ADGRE1: variants seen among roughly 807,000 people sequenced by gnomAD.
ADGRE1 encodes adhesion G protein-coupled receptor E1.
In ADGRE1, 82 loss-of-function variants were observed where a neutral mutation model predicts 102.7. That is an observed-to-expected ratio of 0.80 (90% CI 0.67 to 0.96). ADGRE1 has a LOEUF of 0.96. ADGRE1 is among the 40% of genes least tolerant of loss of function. The pLI is 0.00. For synonymous variants in ADGRE1, 398 were observed against 399.6 expected (o/e 1.00, Z 0.05); for missense variants, 1,032 against 1,085.3 (o/e 0.95, Z 0.69).
At chr19:6,931,163 C>T (rs996396635) in intron 17 of ADGRE1, among the ~76,000 whole-genome samples, 2 of 152,010 alleles carry the variant, frequency 1.3e-5, no homozygotes, top group African/African-American at 4.8e-5. Flanking sequence ...GTTTAGCTCC[C>T]ACAAAGAACT....
chr19:6,917,410 G>T (rs1974433042), intron 12 of ADGRE1, among the ~76,000 whole-genome samples: 2 of 152,118 alleles, frequency 1.3e-5, no homozygotes, highest in African/African-American at 4.8e-5. Context: ...AGTAGAGTGG[G>T]CTGGAGCATC....
In ADGRE1 at chr19:6,908,710, A is replaced by G. The variant is rs1974062992; in HGVS notation, c.1060A>G (p.Asn354Asp). The G allele has an allele frequency of 3.1e-6, 5 of 1,604,688 alleles. No homozygotes were observed. Among genetic ancestry groups the G allele is most frequent in the Non-Finnish European group, 4.2e-6 (5 of 1,177,548 alleles). The part of the protein sequence containing the change: ...PAYVSFCAQI[N>D]NIFSVLDKVC... ...GCAGGTCTCCTTTTGTGCACAAATAAATAACATCTTCAGCGTTCTGGACAA... is the reference window on the plus strand; with the variant it reads ...GCAGGTCTCCTTTTGTGCACAAATAGATAACATCTTCAGCGTTCTGGACAA... Residue 354 changes from asparagine (N) to aspartate (D), a missense_variant, in exon 10 of 21, where the codon AAT becomes GAT. Asn to Asp is a conservative substitution (Grantham distance 23, BLOSUM62 1). Transcript: ENST00000312053.
At chr19:6,901,765 C>T in intron 5 of ADGRE1, 110 bp from the exon 6 acceptor site, 1 of 1,087,390 alleles carries the variant, frequency 9.2e-7, no homozygotes, top group Non-Finnish European at 1.4e-6. Context: ...TATTGGGGAG[C>T]ATCAGCCCTG....
Position 6,937,368 on chromosome 19 carries a change from A to G in ADGRE1, c.2507A>G (p.Gln836Arg), listed in dbSNP as rs1346872365. 6.2e-7 allele frequency: 1 copy of G among 1,613,972 alleles called. No individual in the cohort carries two copies. The highest frequency in any genetic ancestry group is 1.1e-5 in the South Asian group (1 of 91,074). The change falls in exon 19 of 21, where the codon CAG becomes CGG. Residue 836 changes from glutamine to arginine, a missense_variant. Physicochemically the swap from Gln to Arg is conservative, Grantham distance 43. Coordinates refer to ENST00000312053, the MANE Select transcript of ADGRE1 (RefSeq NM_001974.5). ...CTGTTCACCATCATCAACAGCCTGC[A>G]GGGGGCCTTCATCTTCCTCATCCAC... ...AYLFTIINSL[Q>R]GAFIFLIHCL...
chr19:6,894,244 G>A (rs761913296), intron 2 of ADGRE1, among the ~76,000 whole-genome samples: 85 of 152,164 alleles, frequency 5.6e-4, no homozygotes, highest in Non-Finnish European at 1.1e-3. Flanking sequence ...CCTGCCACAA[G>A]GATGACAGCA....
At chr19:6,908,797 T>G (rs368534916) in intron 10 of ADGRE1, 25 bp downstream of exon 10, 25 of 1,589,254 alleles carry the variant, frequency 1.6e-5, no homozygotes, top group Non-Finnish European at 2.0e-5. Flanking sequence ...TTTTAAATTG[T>G]GTTTTGAGTT....
At chr19:6,923,078 AAAAG>A (rs10527997) in intron 14 of ADGRE1, among the ~76,000 whole-genome samples, 3 of 151,860 alleles carry the variant, frequency 2.0e-5, no homozygotes, top group East Asian at 1.9e-4. Flanking sequence ...CTCCGTCTCA[AAAAG>A]AAAGAAAGTA....
chr19:6,901,920 C>T lies in ADGRE1; in HGVS notation c.560C>T (p.Thr187Ile). 5 of 1,614,202 alleles carry T rather than the reference C, an allele frequency of 3.1e-6. No individual in the cohort carries two copies. The highest frequency in any genetic ancestry group is 2.2e-5 in the East Asian group (1 of 44,890). Reference sequence around the variant, plus strand: ...CCAAGAGCTTGCCCAGAGCATGCAACTTGTAATAACACTGTTGGAAACTAC... The same window carrying T: ...CCAAGAGCTTGCCCAGAGCATGCAATTTGTAATAACACTGTTGGAAACTAC... ...ADPRACPEHA[T>I]CNNTVGNYSC... The change falls in exon 6 of 21, where the codon ACT becomes ATT. Residue 187 changes from threonine (T) to isoleucine (I), a missense_variant. By Grantham distance (89) the Thr-to-Ile change is moderately conservative. Transcript: ENST00000312053.
At chr19:6,897,941 CCT>C (rs1973627399) in intron 5 of ADGRE1, 1 of 181,522 alleles carries the variant, frequency 5.5e-6, no homozygotes. Context: ...TTCCTTCCTT[CCT>C]TCCTTCCTTC....
chr19:6,930,620 T>G (rs1975099232), intron 17 of ADGRE1, among the ~76,000 whole-genome samples: 1 of 152,070 alleles, frequency 6.6e-6, no homozygotes, highest in African/African-American at 2.4e-5. Context: ...GGTTTTTGTT[T>G]TGTTTTATTG....
intron 17 of ADGRE1, among the ~76,000 whole-genome samples, chr19:6,929,086 C>A (rs540094777): frequency 8.4e-4 from 128 of 152,280 alleles, no homozygotes; most frequent in South Asian, 1.5e-3. Context: ...CCGTCTTGTG[C>A]ACAGGTCCAT....
chr19:6,922,744 G>T (rs1422442185), intron 14 of ADGRE1, among the ~76,000 whole-genome samples: 3 of 152,018 alleles, frequency 2.0e-5, no homozygotes, highest in Non-Finnish European at 4.4e-5. Context: ...TAAATGAGTA[G>T]ATTTGGAAGA....
intron 17 of ADGRE1, among the ~76,000 whole-genome samples, chr19:6,932,673 C>A (rs1361893622): frequency 6.6e-6 from 1 of 152,056 alleles, no homozygotes; most frequent in Non-Finnish European, 1.5e-5. Flanking sequence ...GAGCCTGACA[C>A]CTCAGATCCT....
At chr19:6,908,008 C>T (rs1317847284) in intron 9 of ADGRE1, among the ~76,000 whole-genome samples, 2 of 152,220 alleles carry the variant, frequency 1.3e-5, no homozygotes, top group Non-Finnish European at 2.9e-5. Context: ...ATCTCTGCAG[C>T]ACTGTGACAT....
intron 1 of ADGRE1, among the ~76,000 whole-genome samples, chr19:6,888,529 G>C (rs1026459220): frequency 6.6e-6 from 1 of 152,084 alleles, no homozygotes; most frequent in African/African-American, 2.4e-5. Context: ...AGCAAGTATG[G>C]GTTTCCTCTG....
At chr19:6,927,877 G>A (rs1974985818) in intron 16 of ADGRE1, among the ~76,000 whole-genome samples, 1 of 152,096 alleles carries the variant, frequency 6.6e-6, no homozygotes, top group African/African-American at 2.4e-5. Context: ...TCTGCATAGA[G>A]GGAAACAGGA....
Position 6,926,571 on chromosome 19 carries a change from T to C in ADGRE1, c.2192T>C (p.Val731Ala), listed in dbSNP as rs371243609. Reference sequence around the variant, plus strand: ...CTGGTGGTGGTGATCTCTGCCAGTGTGCAGCCACAGGGCTATGGAATGCAT... The same window carrying C: ...CTGGTGGTGGTGATCTCTGCCAGTGCGCAGCCACAGGGCTATGGAATGCAT... ...PMLVVVISAS[V>A]QPQGYGMHNR... Residue 731 changes from valine (V) to alanine (A), a missense_variant, in exon 16 of 21, where the codon GTG becomes GCG. Physicochemically the swap from Val to Ala is moderately conservative, Grantham distance 64 (BLOSUM62 0). Transcript: ENST00000312053. 6.2e-6 allele frequency: 10 copies of C among 1,614,134 alleles called. 1 individual carries two copies. The African/African-American group carries it at 9.3e-5, about 15-fold the overall frequency.
At chr19:6,920,522 T>C (rs1414848749) in intron 13 of ADGRE1, among the ~76,000 whole-genome samples, 3,969 of 85,976 alleles carry the variant, frequency 0.046, 112 homozygotes, top group Non-Finnish European at 0.069. Flanking sequence ...CCCGCTTTTT[T>C]TTTTTTTTTT....
intron 20 of ADGRE1, among the ~76,000 whole-genome samples, chr19:6,939,024 G>A (rs1300122875): frequency 6.6e-6 from 1 of 151,998 alleles, no homozygotes; most frequent in African/African-American, 2.4e-5. Context: ...TCGAACTCCT[G>A]ACCTCAGGTG....
Sources: gnomAD v4.1 joint callset for allele counts (sites outside exome capture counted in the v4.1 genomes callset) on GRCh38, gnomAD v4.1.1 for gene constraint, MANE v1.5 for transcripts, NCBI Gene and HGNC (gene_info 2026-07-23, HGNC 2026-07-21) for gene names.